The following SETD5 variants were observed in gnomAD, a reference collection of about 807,000 sequenced individuals.
SETD5 encodes the protein SET domain containing 5, also known as histone-lysine N-methyltransferase SETD5.
Under a neutral mutation model 153.3 loss-of-function variants are expected in SETD5, and 44 were observed. The observed-to-expected ratio is 0.29, with a 90% CI of 0.23 to 0.37. The LOEUF (loss-of-function observed/expected upper bound fraction) is 0.37, where lower values mean the gene tolerates loss of function less well. SETD5 is among the 10% of genes least tolerant of loss of function. SETD5 has a pLI of 1.00. For synonymous variants in SETD5, 716 were observed against 645.2 expected (o/e 1.11, Z -1.66); for missense variants, 1,544 against 1,768.0 (o/e 0.87, Z 2.27).
intron 1 of SETD5, among the ~76,000 whole-genome samples, chr3:9,418,757 C>T (rs1012021011): frequency 6.6e-6 from 1 of 150,476 alleles, no homozygotes; most frequent in Non-Finnish European, 1.5e-5. Context: ...GAGCTGAGAT[C>T]CTGCCATTGC....
intron 1 of SETD5, among the ~76,000 whole-genome samples, chr3:9,402,387 A>T (rs979166083): frequency 6.6e-6 from 1 of 152,148 alleles, no homozygotes; most frequent in Non-Finnish European, 1.5e-5. Flanking sequence ...ATCGTGCCTC[A>T]TTCGTTTATA....
chr3:9,440,605 T>A lies in SETD5; in HGVS notation c.717T>A (p.Ser239=). The A allele has an allele frequency of 1.2e-6, 2 of 1,613,946 alleles. No individual in the cohort carries two copies. Among genetic ancestry groups the A allele is most frequent in the Admixed American group, 1.7e-5 (1 of 60,014 alleles). ...VQNALEQHLH[S]SKEFVGKPTI... Reference sequence around the variant, plus strand: ...ACGCGCTTGAACAACACCTACATTCTAGCAAGGAATTTGTGGGCAAACCTA... The same window carrying A: ...ACGCGCTTGAACAACACCTACATTCAAGCAAGGAATTTGTGGGCAAACCTA... The change falls in exon 8 of 23, where the codon TCT becomes TCA. Residue 239 remains serine (S), a synonymous_variant. Transcript: ENST00000402198.
chr3:9,432,818 C>G (rs1245538375), intron 3 of SETD5, among the ~76,000 whole-genome samples: 1 of 152,128 alleles, frequency 6.6e-6, no homozygotes, highest in East Asian at 1.9e-4. Flanking sequence ...ATTTTCTACT[C>G]ACAAAGGGTA....
intron 20 of SETD5, among the ~76,000 whole-genome samples, chr3:9,474,064 G>GA (rs1394841930): frequency 2.0e-5 from 3 of 152,086 alleles, no homozygotes; most frequent in Non-Finnish European, 2.9e-5. Flanking sequence ...ATCTTGAACT[G>GA]AAAAAAATAA....
intron 1 of SETD5, among the ~76,000 whole-genome samples, chr3:9,413,525 C>T (rs2036914817): frequency 6.6e-6 from 1 of 151,956 alleles, no homozygotes. Flanking sequence ...GATTCTTTGC[C>T]TAGAATTGCC....
chr3:9,406,683 A>G (rs1341262670), intron 1 of SETD5, among the ~76,000 whole-genome samples: 4 of 151,780 alleles, frequency 2.6e-5, no homozygotes, highest in East Asian at 3.9e-4. Context: ...TTGAAATGCT[A>G]TTTTTTCCTA....
In SETD5 at chr3:9,476,086, T is replaced by A; in HGVS notation, c.4324T>A (p.Ser1442Thr). The stretch of plus-strand genomic sequence containing the variant: ...AGGAGTCAAGACTCAGACGGGACTT[T>A]CCTAGGGCTTCTGGATTTGGGCAAA... ...GSGVKTQTGLS is the reference protein window; with the variant it reads ...GSGVKTQTGLT The change falls in exon 23 of 23, where the codon TCC becomes ACC. Residue 1442 changes from serine (S) to threonine (T), a missense_variant. Ser to Thr is a moderately conservative substitution (Grantham distance 58, BLOSUM62 1). Around this residue, in one of 9 missense-constraint regions of SETD5, gnomAD observed 302 missense variants for 277.6 expected, o/e 1.09. Coordinates refer to ENST00000402198, the MANE Select transcript of SETD5 (RefSeq NM_001080517.3). The A allele has an allele frequency of 6.2e-7, 1 of 1,611,686 alleles. No homozygotes were observed. The highest frequency in any genetic ancestry group is 1.1e-5 in the South Asian group (1 of 90,938).
At chr3:9,456,916 C>A (rs2043318166) in intron 17 of SETD5, among the ~76,000 whole-genome samples, 1 of 151,998 alleles carries the variant, frequency 6.6e-6, no homozygotes, top group Non-Finnish European at 1.5e-5. Context: ...GCAGAAGTTG[C>A]AGTGAGCCAA....
At position 9,448,504 on chromosome 3, in the gene SETD5, A is replaced by G. The variant is rs1288820099; in HGVS notation, c.2220A>G (p.Pro740=). ...TGGCAACGACCCTAAACATGTTACCAGGTCTTATCCATTCCCCGTTAATTT... is the reference window on the plus strand; with the variant it reads ...TGGCAACGACCCTAAACATGTTACCGGGTCTTATCCATTCCCCGTTAATTT... The part of the protein sequence containing the change: ...TVLATTLNML[P]GLIHSPLICT... Residue 740 remains proline (P), a synonymous_variant, in exon 16 of 23, where the codon CCA becomes CCG. Transcript: ENST00000402198. 6.2e-7 allele frequency: 1 copy of G among 1,614,016 alleles called. No individual in the cohort carries two copies. Among genetic ancestry groups the G allele is most frequent in the South Asian group, 1.1e-5 (1 of 91,090 alleles).
At chr3:9,458,504 G>A (rs983503503) in intron 17 of SETD5, among the ~76,000 whole-genome samples, 1 of 152,142 alleles carries the variant, frequency 6.6e-6, no homozygotes, top group African/African-American at 2.4e-5. Flanking sequence ...GTAGCCTTAA[G>A]GAGGCTGAAG....
In SETD5 at chr3:9,471,884, T is replaced by A. The variant is rs181353555; in HGVS notation, c.3195+955T>A. ...TTGAAATGAAACCTAGTGGTTTTTT[T>A]ATATTTTCATTATAATGATATTACC... On this transcript the variant is annotated intron_variant, in intron 19 of 22. Coordinates refer to ENST00000402198, the MANE Select transcript of SETD5 (RefSeq NM_001080517.3). Among the ~76,000 whole-genome samples the A allele has an allele frequency of 7.2e-5, 11 of 152,342 alleles. No homozygotes were observed. The East Asian group carries it at 1.2e-3, about 16-fold the overall frequency.
At chr3:9,454,110 C>A in intron 17 of SETD5, 1 of 235,434 alleles carries the variant, frequency 4.2e-6, no homozygotes. Flanking sequence ...AGGTTAGATA[C>A]ATTTAAAGTA....
chr3:9,467,199 C>CAAAAAAAAAAAAAAAAAAAAAAAAAAA lies in SETD5; in HGVS notation c.2724+2552_2724+2553insAAAAAAAAAAAAAAAAAAAAAAAAAAA, dbSNP rs35894304. Among the ~76,000 whole-genome samples the CAAAAAAAAAAAAAAAAAAAAAAAAAAA allele has an allele frequency of 1.5e-4, 6 of 40,860 alleles. 1 individual carries two copies. Among genetic ancestry groups the CAAAAAAAAAAAAAAAAAAAAAAAAAAA allele is most frequent in the Non-Finnish European group, 2.7e-4 (5 of 18,462 alleles). 26.8% of individuals were successfully genotyped at this position (40,860 alleles called of 152,430 possible). A position where few individuals can be genotyped will look rare whatever the true frequency, so the allele number is the denominator to read the frequency against. On this transcript the variant is annotated intron_variant, in intron 18 of 22. Coordinates refer to ENST00000402198, the MANE Select transcript of SETD5 (RefSeq NM_001080517.3). ...TGGGCAACAGAGGGAGACTCTCTCT[C>CAAAAAAAAAAAAAAAAAAAAAAAAAAA]AAAAAAAAAAAAAAAAAAAAAAAAA...
intron 1 of SETD5, among the ~76,000 whole-genome samples, chr3:9,400,487 C>G (rs2034588199): frequency 2.0e-5 from 3 of 152,116 alleles, no homozygotes; most frequent in Admixed American, 1.3e-4. Flanking sequence ...TCCATCCTTT[C>G]GATTAGACCA....
At chr3:9,469,817 C>T (rs1559485628) in intron 18 of SETD5, among the ~76,000 whole-genome samples, 2 of 152,044 alleles carry the variant, frequency 1.3e-5, no homozygotes, top group African/African-American at 2.4e-5. Flanking sequence ...GGTATGTTGA[C>T]GTACATTAGA....
chr3:9,445,085 C>T lies in SETD5; in HGVS notation c.1225C>T (p.Arg409Trp), dbSNP rs780768822. 10 of 1,613,780 alleles carry T rather than the reference C, an allele frequency of 6.2e-6. No homozygotes were observed. Among genetic ancestry groups the T allele is most frequent in the Non-Finnish European group, 6.8e-6 (8 of 1,179,814 alleles). Residue 409 changes from arginine to tryptophan, a missense_variant, in exon 12 of 23, where the codon CGG (arginine) becomes TGG (tryptophan). Transcript: ENST00000402198. ...KVDCACHKGNRNCPIQKRNPN... is the reference protein window; with the variant it reads ...KVDCACHKGNWNCPIQKRNPN... ...GGACTGTGCCTGTCACAAGGGAAAC[C>T]GGAATTGTCCTATACAAAAAAGGAA...
At chr3:9,402,103 A>G (rs573028133) in intron 1 of SETD5, among the ~76,000 whole-genome samples, 1 of 152,334 alleles carries the variant, frequency 6.6e-6, no homozygotes, top group South Asian at 2.1e-4. Flanking sequence ...GAGAGAATAT[A>G]GTTTCCTTCA....
intron 1 of SETD5, among the ~76,000 whole-genome samples, chr3:9,419,287 GTTAC>G (rs2038024211): frequency 6.6e-6 from 1 of 152,182 alleles, no homozygotes; most frequent in African/African-American, 2.4e-5. Flanking sequence ...ATTAATAGTA[GTTAC>G]TTCATGTTTG....
At chr3:9,474,650 C>T in intron 21 of SETD5, 68 bp downstream of exon 21, 2 of 1,574,438 alleles carry the variant, frequency 1.3e-6, no homozygotes, top group Admixed American at 1.8e-5. Flanking sequence ...ACAGTTCATG[C>T]CTAGTGCTGA....
Sources: gnomAD v4.1 joint callset for allele counts (sites outside exome capture counted in the v4.1 genomes callset) on GRCh38, gnomAD v4.1.1 for gene constraint, gnomAD v4.1.1 regional missense constraint, MANE v1.5 for transcripts, NCBI Gene and HGNC (gene_info 2026-07-23, HGNC 2026-07-21) for gene names.